The following ZDHHC6 variants were observed in gnomAD, a reference collection of about 807,000 sequenced individuals.
ZDHHC6 encodes the protein palmitoyltransferase ZDHHC6.
A neutral mutation model predicts 57.8 loss-of-function variants in ZDHHC6; 32 were observed. That is an observed-to-expected ratio of 0.55 (90% CI 0.42 to 0.74). The LOEUF (loss-of-function observed/expected upper bound fraction) is 0.74, where lower values mean the gene tolerates loss of function less well. Among genes scored for constraint, ZDHHC6 ranks in the 30% least tolerant of loss-of-function variants. The pLI is 0.00. For synonymous variants in ZDHHC6, 128 were observed against 158.0 expected, an observed-to-expected ratio of 0.81 and a Z score of 1.42; for missense variants, 433 against 500.7, an observed-to-expected ratio of 0.86 and a Z score of 1.29.
chr10:112,434,336 C>T lies in ZDHHC6; in HGVS notation c.864G>A (p.Glu288=). The T allele has an allele frequency of 6.2e-7, 1 of 1,613,580 alleles. No individual in the cohort carries two copies. The highest frequency in any genetic ancestry group is 8.5e-7 in the Non-Finnish European group (1 of 1,179,716). ...WSGVPEGDGL[E]WPVREGCHQY... is the part of the protein sequence containing the mutation. Reference sequence around the variant, plus strand: ...GGTGACAGCCTTCTCTTACTGGCCACTCAAGTCCATCTCCTTCAGGGACCC... The same window carrying T: ...GGTGACAGCCTTCTCTTACTGGCCATTCAAGTCCATCTCCTTCAGGGACCC... Residue 288 remains glutamate, a synonymous_variant, in exon 7 of 11, where the codon GAG becomes GAA. Coordinates refer to ENST00000369405, the MANE Select transcript of ZDHHC6 (RefSeq NM_022494.3).
At chr10:112,441,058 CTGGTCT>C (rs1458863268) in intron 4 of ZDHHC6, among the ~76,000 whole-genome samples, 2 of 152,170 alleles carry the variant, frequency 1.3e-5, no homozygotes, top group African/African-American at 2.4e-5. Flanking sequence ...ATTGGCCAGG[CTGGTCT>C]TGAACTCCTG....
chr10:112,425,451 A>G (rs1844632189), downstream of ZDHHC6: 2 of 1,613,270 alleles, frequency 1.2e-6, no homozygotes, highest in South Asian at 1.1e-5. Context: ...AACCAGTGTT[A>G]CAAATTTTTG....
intron 3 of ZDHHC6, 41 bp downstream of exon 3, chr10:112,443,474 T>C (rs748363448): frequency 5.8e-6 from 9 of 1,538,552 alleles, no homozygotes; most frequent in Non-Finnish European, 8.1e-6. Context: ...CATCAGTAAT[T>C]AGTTGATCAG....
intron 5 of ZDHHC6, among the ~76,000 whole-genome samples, chr10:112,439,355 G>T (rs186551219): frequency 2.0e-5 from 3 of 151,828 alleles, no homozygotes; most frequent in African/African-American, 7.3e-5. Context: ...TTTTTGGGCC[G>T]GGCACAGTGG....
chr10:112,430,871 C>T lies in ZDHHC6; in HGVS notation c.1175G>A (p.Cys392Tyr). 1 of 1,613,856 alleles carries T rather than the reference C, an allele frequency of 6.2e-7. No individual in the cohort carries two copies. The highest frequency in any genetic ancestry group is 8.5e-7 in the Non-Finnish European group (1 of 1,179,894). The part of the protein sequence containing the change: ...SRIRGWFPRK[C>Y]VEKCPCDAET... ...AGCATCACAGGGACACTTTTCCACACATTTTCTAGGGAACCAACCCCTTAT... is the reference window on the plus strand; with the variant it reads ...AGCATCACAGGGACACTTTTCCACATATTTTCTAGGGAACCAACCCCTTAT... Residue 392 changes from cysteine (C) to tyrosine (Y), a missense_variant, in exon 11 of 11, where the codon TGT becomes TAT. Transcript: ENST00000369405.
chr10:112,440,440 C>T, intron 5 of ZDHHC6, 94 bp downstream of exon 5: 1 of 1,296,690 alleles, frequency 7.7e-7, no homozygotes, highest in Non-Finnish European at 1.0e-6. Flanking sequence ...ATTTCCATTT[C>T]ATACTGGACA....
chr10:112,432,497 A>T lies in ZDHHC6; in HGVS notation c.970T>A (p.Tyr324Asn). The T allele has an allele frequency of 6.2e-7, 1 of 1,614,080 alleles. No individual in the cohort carries two copies. Among genetic ancestry groups the T allele is most frequent in the Non-Finnish European group, 8.5e-7 (1 of 1,179,980 alleles). ...RSVRYKVIED[Y>N]SGACCPLNKG... is the part of the protein sequence containing the mutation. ...TTCAGAGGGCAGCAGGCACCACTAT[A>T]ATCTTCTATTACTTTATAGCGAACC... Residue 324 changes from tyrosine to asparagine, a missense_variant, in exon 9 of 11, where the codon TAT (tyrosine) becomes AAT (asparagine). Physicochemically the swap from Tyr to Asn is moderately radical, Grantham distance 143 (BLOSUM62 -2). Transcript: ENST00000369405.
chr10:112,436,560 T>C (rs1589732159), intron 6 of ZDHHC6, among the ~76,000 whole-genome samples: 1 of 152,386 alleles, frequency 6.6e-6, no homozygotes, highest in East Asian at 1.9e-4. Flanking sequence ...TCAGTGGTTC[T>C]CAAAGCATGC....
intron 4 of ZDHHC6, among the ~76,000 whole-genome samples, 200 bp downstream of exon 4, chr10:112,441,992 G>A (rs1846160977): frequency 6.6e-6 from 1 of 152,138 alleles, no homozygotes; most frequent in African/African-American, 2.4e-5. Context: ...TAAGTTTTCA[G>A]AACAAATACT....
chr10:112,433,080 A>C (rs1235039680), intron 8 of ZDHHC6, among the ~76,000 whole-genome samples, 160 bp downstream of exon 8: 1 of 152,198 alleles, frequency 6.6e-6, no homozygotes, highest in African/African-American at 2.4e-5. Flanking sequence ...TATTTAAATA[A>C]AAACAAAAGT....
chr10:112,447,522 G>A, upstream of ZDHHC6: 1 of 1,582,354 alleles, frequency 6.3e-7, no homozygotes, highest in African/African-American at 1.3e-5. Flanking sequence ...GAGGGTGCGG[G>A]CGGTGGAACG....
chr10:112,425,875 G>A (rs1308832809), downstream of ZDHHC6, among the ~76,000 whole-genome samples: 1 of 152,044 alleles, frequency 6.6e-6, no homozygotes, highest in Non-Finnish European at 1.5e-5. Context: ...TCAACAAACT[G>A]TTGTTTTATA....
chr10:112,426,850 T>C (rs2133695410), downstream of ZDHHC6: 1 of 1,613,460 alleles, frequency 6.2e-7, no homozygotes, highest in Non-Finnish European at 8.5e-7. Context: ...GCCTTAAAAC[T>C]TTTGAACAGG....
chr10:112,445,794 T>C (rs1846604063), intron 1 of ZDHHC6, 144 bp from the exon 2 acceptor site: 1 of 395,244 alleles, frequency 2.5e-6, no homozygotes, highest in Non-Finnish European at 4.5e-6. Context: ...TCTTGTCAAA[T>C]GTCAAAAAGA....
rs754821803 is a variant in ZDHHC6, at chr10:112,445,375, T to G, written c.62A>C (p.His21Pro). 1.9e-6 allele frequency: 3 copies of G among 1,614,092 alleles called. No individual in the cohort carries two copies. The East Asian group carries it at 6.7e-5, about 36-fold the overall frequency. ...ENLQELKRLC[H>P]WGPIIALGVI... The stretch of plus-strand genomic sequence containing the variant: ...ACCAAGGGCTATGATGGGACCCCAG[T>G]GACACAGTCTCTTTAATTCTTGTAG... The change falls in exon 2 of 11, where the codon CAC (histidine) becomes CCC (proline). Residue 21 changes from histidine to proline, a missense_variant. Coordinates refer to ENST00000369405, the MANE Select transcript of ZDHHC6 (RefSeq NM_022494.3).
intron 7 of ZDHHC6, among the ~76,000 whole-genome samples, chr10:112,434,005 A>G (rs1845284854): frequency 6.6e-6 from 1 of 152,140 alleles, no homozygotes; most frequent in African/African-American, 2.4e-5. Flanking sequence ...GGTGACAGGA[A>G]TGTATAAGGA....
downstream of ZDHHC6, chr10:112,427,156 G>C (rs1051633771): frequency 2.0e-6 from 3 of 1,519,508 alleles, no homozygotes; most frequent in Non-Finnish European, 2.7e-6. Flanking sequence ...GAGCACTCAG[G>C]GGGCTCTGCA....
At chr10:112,427,182 C>T, downstream of ZDHHC6, 1 of 1,584,098 alleles carries the variant, frequency 6.3e-7, no homozygotes, top group Non-Finnish European at 8.6e-7. Flanking sequence ...GTCCAAATCA[C>T]TAATGAGCAT....
At position 112,445,222 on chromosome 10, in the gene ZDHHC6, T is replaced by C; in HGVS notation, c.215A>G (p.Tyr72Cys). 6.2e-7 allele frequency: 1 copy of C among 1,614,174 alleles called. No individual in the cohort carries two copies. Among genetic ancestry groups the C allele is most frequent in the South Asian group, 1.1e-5 (1 of 91,080 alleles). The change falls in exon 2 of 11, where the codon TAC becomes TGC. Residue 72 changes from tyrosine to cysteine, a missense_variant. Tyr to Cys is a radical substitution (Grantham distance 194). Transcript: ENST00000369405. ...INWTVMILYN[Y>C]FNAMFVGPGF... ...CGGACCGACAAACATGGCATTGAAG[T>C]AATTATAAAGAATCATGACAGTCCA... is the stretch of plus-strand genomic sequence containing the variant.
Sources: gnomAD v4.1 joint callset for allele counts (sites outside exome capture counted in the v4.1 genomes callset) on GRCh38, gnomAD v4.1.1 for gene constraint, MANE v1.5 for transcripts, NCBI Gene and HGNC (gene_info 2026-07-23, HGNC 2026-07-21) for gene names.